The following ERN1 variants were observed in gnomAD, a reference collection of about 807,000 sequenced individuals.
ERN1 encodes the protein endoplasmic reticulum to nucleus signaling 1, also known as serine/threonine-protein kinase/endoribonuclease IRE1.
In ERN1, 39 loss-of-function variants were observed where a neutral mutation model predicts 113.1. That is an observed-to-expected ratio of 0.34 (90% CI 0.27 to 0.45). The LOEUF (loss-of-function observed/expected upper bound fraction) is 0.45, where lower values mean the gene tolerates loss of function less well. ERN1 is among the 20% of genes least tolerant of loss of function. The pLI, the probability that ERN1 is intolerant of heterozygous loss-of-function variation, is 1.00. For missense variants in ERN1, 976 were observed against 1,274.8 expected (o/e 0.77, Z 3.57); for synonymous variants, 507 against 515.9 (o/e 0.98, Z 0.23).
chr17:64,065,255 C>A lies in ERN1; in HGVS notation c.875G>T (p.Ser292Ile). ...PTLYVGKYST[S>I]LYASPSMVHE... ...TACCATTGAGGGAGAGGCATAGAGGCTGGTAGAGTATTTCCCAACATACAG... is the reference window on the plus strand; with the variant it reads ...TACCATTGAGGGAGAGGCATAGAGGATGGTAGAGTATTTCCCAACATACAG... Residue 292 changes from serine (S) to isoleucine (I), a missense_variant, in exon 9 of 22, where the codon AGC becomes ATC. Physicochemically the swap from Ser to Ile is moderately radical, Grantham distance 142. Around this residue, in one of 5 missense-constraint regions of ERN1, gnomAD observed 459 missense variants for 581.2 expected, o/e 0.79. Transcript: ENST00000433197. The A allele has an allele frequency of 6.2e-7, 1 of 1,608,284 alleles. No individual in the cohort carries two copies. Among genetic ancestry groups the A allele is most frequent in the Non-Finnish European group, 8.5e-7 (1 of 1,177,338 alleles).
At chr17:64,082,603 G>A (rs11079523) in intron 2 of ERN1, among the ~76,000 whole-genome samples, 3,009 of 152,276 alleles carry the variant, frequency 0.02, 99 homozygotes, top group African/African-American at 0.068. Flanking sequence ...AAGACATGCA[G>A]ACCAACATGA....
intron 2 of ERN1, among the ~76,000 whole-genome samples, chr17:64,083,983 A>T (rs1053252329): frequency 1.3e-5 from 2 of 152,086 alleles, no homozygotes; most frequent in Non-Finnish European, 2.9e-5. Flanking sequence ...CACAGGGAGG[A>T]ACATTGCCAG....
intron 2 of ERN1, among the ~76,000 whole-genome samples, chr17:64,091,156 C>A (rs1345366624): frequency 6.6e-6 from 1 of 152,162 alleles, no homozygotes; most frequent in African/African-American, 2.4e-5. Context: ...TCACAATTTC[C>A]CCTTCTCATG....
At chr17:64,056,566 A>G (rs1388309272) in intron 12 of ERN1, among the ~76,000 whole-genome samples, 1 of 152,162 alleles carries the variant, frequency 6.6e-6, no homozygotes, top group Non-Finnish European at 1.5e-5. Context: ...CCGAGGCCAC[A>G]TGCCTCTCAA....
chr17:64,057,244 C>G (rs969438721), intron 12 of ERN1, among the ~76,000 whole-genome samples: 1 of 152,158 alleles, frequency 6.6e-6, no homozygotes, highest in African/African-American at 2.4e-5. Context: ...TTGAGCAAGG[C>G]TTATAAATCA....
Position 64,055,552 on chromosome 17 carries a change from G to A in ERN1, c.1672+123C>T, listed in dbSNP as rs1447493011. ...TCCCACAGAGACCCCCAGAGTGGAA[G>A]TTAGAGGAGAACACAGTGAACCCCT... On this transcript the variant is annotated intron_variant, in intron 13 of 21. Coordinates refer to ENST00000433197, the MANE Select transcript of ERN1 (RefSeq NM_001433.5). 9.6e-6 allele frequency: 9 copies of A among 941,988 alleles called. No individual in the cohort carries two copies. In the African/African-American group the frequency reaches 1.4e-4, roughly 14 times the overall value. The allele number at this position is 941,988 out of a possible 1,614,324, so 58.4% of individuals were successfully genotyped here. A position where few individuals can be genotyped will look rare whatever the true frequency, so the allele number is the denominator to read the frequency against.
chr17:64,116,671 A>G (rs1363203965), intron 1 of ERN1, among the ~76,000 whole-genome samples: 2 of 152,028 alleles, frequency 1.3e-5, no homozygotes, highest in African/African-American at 2.4e-5. Flanking sequence ...ACACACACAC[A>G]CACAAACACA....
At chr17:64,126,730 T>A (rs1444809589) in intron 1 of ERN1, among the ~76,000 whole-genome samples, 2 of 152,182 alleles carry the variant, frequency 1.3e-5, no homozygotes, top group East Asian at 3.8e-4. Flanking sequence ...TGATATCGCC[T>A]ATTAGGATAA....
chr17:64,057,554 G>A (rs992077189), intron 12 of ERN1, among the ~76,000 whole-genome samples: 4 of 152,116 alleles, frequency 2.6e-5, no homozygotes, highest in African/African-American at 7.2e-5. Flanking sequence ...ATTTTTAGTA[G>A]AGACAGGGTT....
intron 17 of ERN1, among the ~76,000 whole-genome samples, chr17:64,050,068 TCATCCCCAGATGAGAA>T (rs1391316469): frequency 1.3e-5 from 2 of 152,186 alleles, no homozygotes; most frequent in Non-Finnish European, 2.9e-5. Context: ...GCAAATGCTT[TCATCCCCAGATGAGAA>T]CGTGGACAGA....
rs772324642 is a variant in ERN1 at position 64,054,301 on chromosome 17, G to A, written c.1902C>T (p.Asp634=). Residue 634 remains aspartate, a synonymous_variant, in exon 15 of 22, where the codon GAC becomes GAT. Coordinates refer to ENST00000433197, the MANE Select transcript of ERN1 (RefSeq NM_001433.5). This position sits in a 1 kb window ranked among gnomAD's most constrained non-coding sequence, Gnocchi z 4.9. ...NVIRYFCTEK[D]RQFQYIAIEL... ...CGATGGCAATGTACTGGAATTGCCG[G>A]TCCTTCTCCGTGCAGAAGTAGCGGA... The A allele has an allele frequency of 6.2e-7, 1 of 1,613,860 alleles. No homozygotes were observed. The highest frequency in any genetic ancestry group is 8.5e-7 in the Non-Finnish European group (1 of 1,179,852).
At chr17:64,055,279 T>C (rs536648178) in intron 13 of ERN1, among the ~76,000 whole-genome samples, 3 of 152,320 alleles carry the variant, frequency 2.0e-5, no homozygotes, top group East Asian at 1.9e-4. Context: ...ACCAGCTCTG[T>C]GCCAGTTCCC....
At chr17:64,078,891 AG>A (rs1285044456) in intron 4 of ERN1, among the ~76,000 whole-genome samples, 33 of 152,310 alleles carry the variant, frequency 2.2e-4, no homozygotes, top group African/African-American at 7.2e-4. Context: ...CTGTGGTCCC[AG>A]CTACTCAGGA....
At chr17:64,096,940 G>A (rs905035384) in intron 2 of ERN1, among the ~76,000 whole-genome samples, 1 of 152,310 alleles carries the variant, frequency 6.6e-6, no homozygotes, top group Admixed American at 6.5e-5. Flanking sequence ...CAGCCAAAGT[G>A]TTTCTCTCAA....
In ERN1 at chr17:64,041,398, C is replaced by A. The variant is rs151197049; in HGVS notation, c.*2590G>T. The stretch of plus-strand genomic sequence containing the variant: ...CTGAACTACAGACCAAACAGCTAAG[C>A]CGCAACACGATATGTGATGGTGCAG... On this transcript the variant is annotated 3_prime_UTR_variant, in exon 22 of 22. Transcript: ENST00000433197. The A allele has an allele frequency of 6.4e-4, 97 of 152,304 alleles. No homozygotes were observed. The highest frequency in any genetic ancestry group is 2.1e-3 in the African/African-American group (86 of 41,546). 9.4% of individuals were successfully genotyped at this position (152,304 alleles called of 1,614,324 possible). A position where few individuals can be genotyped will look rare whatever the true frequency, so the allele number is the denominator to read the frequency against.
chr17:64,053,940 C>T, intron 15 of ERN1: 1 of 274,892 alleles, frequency 3.6e-6, no homozygotes, highest in South Asian at 5.3e-5. Context: ...GTACAATTCA[C>T]TGTAACTTTT....
chr17:64,093,133 C>CA lies in ERN1; in HGVS notation c.175+4987dup, dbSNP rs940848576. On this transcript the variant is annotated intron_variant, in intron 2 of 21. Transcript: ENST00000433197. ...GCACCTGCCAAACCACCACAGAAAG[C>CA]AAAAAAAAAAAGTAAATAAATACAT... 7.5e-3 allele frequency among the ~76,000 whole-genome samples: 1,055 copies of CA among 140,154 alleles called. 10 individuals are homozygous for CA. Among genetic ancestry groups the CA allele is most frequent in the African/African-American group, 0.026 (973 of 38,146 alleles). The allele number at this position is 140,154 out of a possible 152,430, so 91.9% of individuals were successfully genotyped here. A position where few individuals can be genotyped will look rare whatever the true frequency, so the allele number is the denominator to read the frequency against.
intron 10 of ERN1, among the ~76,000 whole-genome samples, chr17:64,062,127 C>T (rs951691737): frequency 6.6e-6 from 1 of 152,228 alleles, no homozygotes; most frequent in African/African-American, 2.4e-5. Context: ...CTCTTAGGTC[C>T]AGATTCCAGA....
At chr17:64,098,567 T>C (rs759646758) in intron 1 of ERN1, 2 of 565,246 alleles carry the variant, frequency 3.5e-6, no homozygotes, top group South Asian at 2.8e-5. Flanking sequence ...CTTGGGCCTA[T>C]TCTATTCTCT....
Sources: gnomAD v4.1 joint callset for allele counts (sites outside exome capture counted in the v4.1 genomes callset) on GRCh38, gnomAD v4.1.1 for gene constraint, gnomAD v4.1.1 regional missense constraint, Gnocchi (gnomAD v3.1) non-coding constraint, MANE v1.5 for transcripts, NCBI Gene and HGNC (gene_info 2026-07-23, HGNC 2026-07-21) for gene names.